Variants in SLCO1B3 observed in about 807,000 individuals in gnomAD.
SLCO1B3 encodes the protein liver-specific organic anion transporter 2.
A neutral mutation model predicts 71.8 loss-of-function variants in SLCO1B3; 72 were observed. The ratio of observed to expected loss-of-function variants is 1.00; its 90% CI spans 0.83 to 1.22. The LOEUF is 1.22. SLCO1B3 is among the 50% of genes most tolerant of loss of function. The pLI is 0.00. For missense variants in SLCO1B3, 911 were observed against 819.7 expected, an observed-to-expected ratio of 1.11 and a Z score of -1.36; for synonymous variants, 298 against 278.4, an observed-to-expected ratio of 1.07 and a Z score of -0.70.
At chr12:20,854,369 T>C (rs1865089022) in intron 3 of SLCO1B3, among the ~76,000 whole-genome samples, 1 of 152,208 alleles carries the variant, frequency 6.6e-6, no homozygotes, top group Non-Finnish European at 1.5e-5. Flanking sequence ...TTCATATATC[T>C]CATTGCTTTA....
intron 13 of SLCO1B3, among the ~76,000 whole-genome samples, chr12:20,889,592 T>A (rs1865862309): frequency 6.6e-6 from 1 of 152,140 alleles, no homozygotes; most frequent in Non-Finnish European, 1.5e-5. Flanking sequence ...TCTTCTTTCT[T>A]TTTGGTTAAG....
At chr12:20,821,486 A>C (rs1244668859) in intron 3 of SLCO1B3, among the ~76,000 whole-genome samples, 1 of 152,158 alleles carries the variant, frequency 6.6e-6, no homozygotes, top group African/African-American at 2.4e-5. Flanking sequence ...GCAAGCCCAG[A>C]GAAAAGAGTA....
At chr12:20,846,310 C>T (rs1864919875) in intron 3 of SLCO1B3, among the ~76,000 whole-genome samples, 1 of 152,068 alleles carries the variant, frequency 6.6e-6, no homozygotes, top group South Asian at 2.1e-4. Flanking sequence ...TTTTCCTGGA[C>T]CTTCACATGT....
intron 15 of SLCO1B3, among the ~76,000 whole-genome samples, chr12:20,914,122 T>C (rs943535824): frequency 6.6e-6 from 1 of 152,180 alleles, no homozygotes; most frequent in African/African-American, 2.4e-5. Context: ...ATTACTGATA[T>C]AATTGAAAGA....
At chr12:20,866,339 C>T (rs184342085) in intron 8 of SLCO1B3, among the ~76,000 whole-genome samples, 27 of 152,258 alleles carry the variant, frequency 1.8e-4, no homozygotes, top group Non-Finnish European at 4.4e-5. Context: ...AGCCTCACTG[C>T]AGCTACAACA....
intron 8 of SLCO1B3, among the ~76,000 whole-genome samples, chr12:20,873,557 C>T (rs1387598921): frequency 6.6e-6 from 1 of 152,168 alleles, no homozygotes; most frequent in African/African-American, 2.4e-5. Context: ...GTTGAATGTG[C>T]AGTCCAGCCC....
intron 8 of SLCO1B3, among the ~76,000 whole-genome samples, chr12:20,867,113 A>C (rs1865388413): frequency 6.6e-6 from 1 of 152,112 alleles, no homozygotes; most frequent in Non-Finnish European, 1.5e-5. Context: ...GAAGGTGCTG[A>C]AGTGGTCTGC....
intron 3 of SLCO1B3, among the ~76,000 whole-genome samples, chr12:20,833,619 AAT>A (rs1478456044): frequency 2.0e-5 from 3 of 148,078 alleles, no homozygotes; most frequent in Non-Finnish European, 4.5e-5. Flanking sequence ...TAGTATATAA[AAT>A]AGAGTATGTA....
intron 5 of SLCO1B3, among the ~76,000 whole-genome samples, chr12:20,860,579 G>A (rs565700001): frequency 1.3e-5 from 2 of 148,476 alleles, no homozygotes; most frequent in South Asian, 2.1e-4. Context: ...TTTTTATTGA[G>A]TTTTGAAAAG....
chr12:20,860,901 TG>T, intron 5 of SLCO1B3, 115 bp from the exon 6 acceptor site: 1 of 1,038,656 alleles, frequency 9.6e-7, no homozygotes, highest in Non-Finnish European at 1.4e-6. Flanking sequence ...AACAAGATTC[TG>T]GTAATTTGGA....
At chr12:20,832,219 A>C (rs1161392206) in intron 3 of SLCO1B3, among the ~76,000 whole-genome samples, 1 of 152,224 alleles carries the variant, frequency 6.6e-6, no homozygotes, top group Admixed American at 6.5e-5. Context: ...ATGTGCGCAC[A>C]CTAATACACG....
At chr12:20,832,322 G>A (rs188742513) in intron 3 of SLCO1B3, among the ~76,000 whole-genome samples, 2 of 152,180 alleles carry the variant, frequency 1.3e-5, no homozygotes, top group East Asian at 3.9e-4. Context: ...GACACACTTT[G>A]ATTATTTTCT....
chr12:20,890,093 A>G (rs759498141), intron 13 of SLCO1B3, among the ~76,000 whole-genome samples: 4 of 150,820 alleles, frequency 2.7e-5, no homozygotes, highest in Non-Finnish European at 5.9e-5. Context: ...AATTTTTTTT[A>G]TTTGTAATAG....
intron 3 of SLCO1B3, among the ~76,000 whole-genome samples, chr12:20,838,059 T>G (rs1864719884): frequency 6.6e-6 from 1 of 151,966 alleles, no homozygotes; most frequent in Non-Finnish European, 1.5e-5. Flanking sequence ...AGAACTGATG[T>G]CCTTATTATT....
chr12:20,839,072 C>G (rs1304517926), intron 3 of SLCO1B3, among the ~76,000 whole-genome samples: 1 of 151,906 alleles, frequency 6.6e-6, no homozygotes. Flanking sequence ...GTGTAACTTG[C>G]AAAACAAATT....
chr12:20,862,781 T>A lies in SLCO1B3; in HGVS notation c.654T>A (p.Ile218=). Residue 218 remains isoleucine (I), a synonymous_variant, in exon 8 of 16, where the codon ATT becomes ATA. Transcript: ENST00000381545. The stretch of plus-strand genomic sequence containing the variant: ...GTAGTTTGAATGCAATAGGAATGAT[T>A]GGTCCAGTCATTGGCTTTGCACTGG... ...YLGSLNAIGM[I]GPVIGFALGS... 6.2e-7 allele frequency: 1 copy of A among 1,611,710 alleles called. No individual in the cohort carries two copies. Among genetic ancestry groups the A allele is most frequent in the Non-Finnish European group, 8.5e-7 (1 of 1,178,084 alleles).
At chr12:20,914,308 C>T (rs1486212624) in intron 15 of SLCO1B3, among the ~76,000 whole-genome samples, 3 of 151,866 alleles carry the variant, frequency 2.0e-5, no homozygotes, top group African/African-American at 7.3e-5. Context: ...CAGTGATTTT[C>T]CTAGAATTTG....
Position 20,879,476 on chromosome 12 carries a change from A to G in SLCO1B3, c.1176A>G (p.Leu392=), listed in dbSNP as rs761609502. The change falls in exon 11 of 16, where the codon TTA becomes TTG. Residue 392 remains leucine, a synonymous_variant. Coordinates refer to ENST00000381545, the MANE Select transcript of SLCO1B3 (RefSeq NM_019844.4). ...TIPTVATGMF[L]GGFIIKKFKL... is the part of the protein sequence containing the mutation. ...CTACGGTTGCAACTGGAATGTTTTT[A>G]GGAGGATTTATCATTAAAAAATTCA... 5 of 1,610,512 alleles carry G rather than the reference A, an allele frequency of 3.1e-6. No individual in the cohort carries two copies. In the Admixed American group the frequency reaches 8.4e-5, roughly 27 times the overall value.
At chr12:20,852,604 T>C (rs191677094) in intron 3 of SLCO1B3, among the ~76,000 whole-genome samples, 168 of 152,358 alleles carry the variant, frequency 1.1e-3, no homozygotes, top group African/African-American at 3.9e-3. Context: ...CATTTATTTG[T>C]GTTTTATTTA....
Sources: allele counts gnomAD v4.1 joint callset (sites outside exome capture counted in the v4.1 genomes callset), GRCh38; gene constraint gnomAD v4.1.1; transcripts MANE v1.5; gene names NCBI Gene and HGNC (gene_info 2026-07-23, HGNC 2026-07-21).